The following KIAA1328 variants were observed in gnomAD, a reference collection of about 807,000 sequenced individuals.
KIAA1328 encodes the protein KIAA1328.
KIAA1328 carries 52 observed loss-of-function variants against 68.1 expected under a neutral mutation model. The ratio of observed to expected loss-of-function variants is 0.76; its 90% CI spans 0.61 to 0.96. KIAA1328 has a LOEUF of 0.96. Ranked by LOEUF, KIAA1328 falls within the 40% of genes least tolerant of loss-of-function variation. The probability of loss-of-function intolerance (pLI) is 0.00; values close to 1 mark genes in which losing one functional copy is unlikely to be tolerated. For synonymous variants in KIAA1328, 232 were observed against 239.4 expected (o/e 0.97, Z 0.28); for missense variants, 641 against 677.6 (o/e 0.95, Z 0.60).
intron 3 of KIAA1328, among the ~76,000 whole-genome samples, chr18:36,839,563 T>G (rs1313689342): frequency 6.6e-6 from 1 of 152,180 alleles, no homozygotes; most frequent in East Asian, 1.9e-4. Context: ...ATTGAGCAAT[T>G]TTTCTCCTAA....
intron 4 of KIAA1328, among the ~76,000 whole-genome samples, chr18:36,876,190 T>G (rs1194042897): frequency 6.6e-6 from 1 of 152,172 alleles, no homozygotes; most frequent in East Asian, 1.9e-4. Flanking sequence ...TAAAACGAGT[T>G]AGGCAGGAGT....
intron 7 of KIAA1328, among the ~76,000 whole-genome samples, chr18:37,116,652 T>C (rs939010443): frequency 2.4e-4 from 37 of 152,114 alleles, no homozygotes; most frequent in Non-Finnish European, 4.9e-4. Flanking sequence ...AAAGCCAAAA[T>C]TGACAAATGG....
chr18:37,145,115 G>A (rs569301444), intron 7 of KIAA1328, among the ~76,000 whole-genome samples: 7 of 152,082 alleles, frequency 4.6e-5, no homozygotes, highest in African/African-American at 1.7e-4. Context: ...CATGCCTATA[G>A]CCCTAGCTGC....
intron 9 of KIAA1328, among the ~76,000 whole-genome samples, chr18:37,214,238 G>A (rs1471906024): frequency 1.6e-4 from 24 of 152,176 alleles, no homozygotes; most frequent in Admixed American, 1.6e-3. Context: ...CCTATGTCCT[G>A]TATGGTATTG....
At chr18:37,127,266 T>C (rs1869970223) in intron 7 of KIAA1328, among the ~76,000 whole-genome samples, 1 of 152,224 alleles carries the variant, frequency 6.6e-6, no homozygotes, top group South Asian at 2.1e-4. Flanking sequence ...TTTATCTCTC[T>C]GTCCTGGCAA....
At chr18:37,131,601 C>A (rs1324997769) in intron 7 of KIAA1328, among the ~76,000 whole-genome samples, 1 of 152,166 alleles carries the variant, frequency 6.6e-6, no homozygotes, top group Non-Finnish European at 1.5e-5. Flanking sequence ...AATACACTTG[C>A]TGCACAGACA....
chr18:37,094,724 A>G lies in KIAA1328; in HGVS notation c.1232+27179A>G, dbSNP rs544547226. Among the ~76,000 whole-genome samples, 6 of 152,248 alleles carry G rather than the reference A, an allele frequency of 3.9e-5. No individual in the cohort carries two copies. In the East Asian group the frequency reaches 1.2e-3, roughly 29 times the overall value. On this transcript the variant is annotated intron_variant, in intron 7 of 9. Coordinates refer to ENST00000280020, the MANE Select transcript of KIAA1328 (RefSeq NM_020776.3). ...AACAAAATTATAGGAGCAATTCCTC[A>G]CTTTTCATTAACAACTGTTAATGTA... is the stretch of plus-strand genomic sequence containing the variant.
At chr18:37,116,218 AAAGAAC>A in intron 7 of KIAA1328, among the ~76,000 whole-genome samples, 1 of 152,224 alleles carries the variant, frequency 6.6e-6, no homozygotes, top group Admixed American at 6.5e-5. Context: ...TCCTAAGCCA[AAAGAAC>A]AAAGCTGGAG....
intron 7 of KIAA1328, among the ~76,000 whole-genome samples, chr18:37,070,142 G>C (rs781032850): frequency 1.3e-5 from 2 of 152,116 alleles, no homozygotes; most frequent in East Asian, 3.9e-4. Flanking sequence ...CCTGTTTTCT[G>C]TTTCTGATTT....
At chr18:37,117,136 T>C (rs1023221611) in intron 7 of KIAA1328, among the ~76,000 whole-genome samples, 1 of 152,194 alleles carries the variant, frequency 6.6e-6, no homozygotes, top group African/African-American at 2.4e-5. Context: ...AGAAATACCA[T>C]TTGACCCGGC....
chr18:37,033,495 T>C (rs1036531341), intron 6 of KIAA1328, among the ~76,000 whole-genome samples: 59 of 152,222 alleles, frequency 3.9e-4, no homozygotes, highest in African/African-American at 1.4e-3. Context: ...CTTAGCTCTT[T>C]CTGGTTTCTC....
intron 5 of KIAA1328, among the ~76,000 whole-genome samples, chr18:36,948,713 C>G (rs554559899): frequency 1.2e-4 from 18 of 152,198 alleles, no homozygotes; most frequent in African/African-American, 4.1e-4. Context: ...CCACGCCCAG[C>G]TAATTTTGTA....
rs148637319 is a variant in KIAA1328 at position 37,094,943 on chromosome 18, G to A, written c.1232+27398G>A. On this transcript the variant is annotated intron_variant, in intron 7 of 9. Transcript: ENST00000280020. Reference sequence around the variant, plus strand: ...AGTTATAGTTATATTGGACAAAATAGGTTTTATGTCAAAAAAAAAAAACAT... The same window carrying A: ...AGTTATAGTTATATTGGACAAAATAAGTTTTATGTCAAAAAAAAAAAACAT... Among the ~76,000 whole-genome samples, 1,026 of 139,650 alleles carry A rather than the reference G, an allele frequency of 7.3e-3. 15 individuals carry two copies. Among genetic ancestry groups the A allele is most frequent in the African/African-American group, 0.03 (951 of 31,912 alleles). The allele number at this position is 139,650 out of a possible 152,430, so 91.6% of individuals were successfully genotyped here. A position where few individuals can be genotyped will look rare whatever the true frequency, so the allele number is the denominator to read the frequency against.
At chr18:36,892,912 A>C (rs1489111292) in intron 5 of KIAA1328, among the ~76,000 whole-genome samples, 1 of 152,142 alleles carries the variant, frequency 6.6e-6, no homozygotes, top group East Asian at 1.9e-4. Flanking sequence ...ATTGTGACAA[A>C]AGTTTTTAGA....
At chr18:37,085,870 T>C (rs2057087381) in intron 7 of KIAA1328, among the ~76,000 whole-genome samples, 1 of 152,208 alleles carries the variant, frequency 6.6e-6, no homozygotes, top group African/African-American at 2.4e-5. Flanking sequence ...GCTGTTTCCT[T>C]CCTTCTGTCC....
intron 5 of KIAA1328, among the ~76,000 whole-genome samples, chr18:36,942,116 A>G (rs1389372270): frequency 6.6e-6 from 1 of 152,240 alleles, no homozygotes; most frequent in African/African-American, 2.4e-5. Flanking sequence ...CTGAAGTGGG[A>G]TATAAAGTTG....
intron 6 of KIAA1328, among the ~76,000 whole-genome samples, chr18:36,996,003 C>G (rs763388623): frequency 1.3e-5 from 2 of 152,112 alleles, no homozygotes; most frequent in Non-Finnish European, 2.9e-5. Context: ...ACTTGCTTTA[C>G]AAACATTATC....
rs147361455 is a variant in KIAA1328, at chr18:36,908,314, C to T, written c.448+22642C>T. Among the ~76,000 whole-genome samples, 29 of 152,188 alleles carry T rather than the reference C, an allele frequency of 1.9e-4. No individual in the cohort carries two copies. The East Asian group carries it at 5.2e-3, about 27-fold the overall frequency. ...TATTTTTATTTATTTTAGCAACTTA[C>T]AGACAATTCAGCTATCTGGAACATA... On this transcript the variant is annotated intron_variant, in intron 5 of 9. Coordinates refer to ENST00000280020, the MANE Select transcript of KIAA1328 (RefSeq NM_020776.3).
chr18:37,022,298 G>A (rs893338887), intron 6 of KIAA1328, among the ~76,000 whole-genome samples: 1 of 152,098 alleles, frequency 6.6e-6, no homozygotes, highest in East Asian at 1.9e-4. Flanking sequence ...GATAAGGAAG[G>A]TATAGATTTT....
Sources: gnomAD v4.1 joint callset for allele counts (sites outside exome capture counted in the v4.1 genomes callset) on GRCh38, gnomAD v4.1.1 for gene constraint, MANE v1.5 for transcripts, NCBI Gene and HGNC (gene_info 2026-07-23, HGNC 2026-07-21) for gene names.